Variants in LIFR observed in about 807,000 individuals in gnomAD.
LIFR encodes LIF receptor subunit alpha, also known as leukemia inhibitory factor receptor.
A neutral mutation model predicts 122.2 loss-of-function variants in LIFR; 84 were observed. The ratio of observed to expected loss-of-function variants is 0.69; its 90% CI spans 0.58 to 0.82. LIFR has a LOEUF of 0.82. Among genes scored for constraint, LIFR ranks in the 40% least tolerant of loss-of-function variants. The pLI is 0.00. For missense variants in LIFR, 1,294 were observed against 1,311.6 expected, an observed-to-expected ratio of 0.99 and a Z score of 0.21; for synonymous variants, 422 against 434.7, an observed-to-expected ratio of 0.97 and a Z score of 0.36.
chr5:38,593,940 C>T (rs1042903268), intron 1 of LIFR, among the ~76,000 whole-genome samples: 1 of 151,994 alleles, frequency 6.6e-6, no homozygotes, highest in African/African-American at 2.4e-5. Flanking sequence ...GTTTAAGCTA[C>T]CCAGACTATC....
intron 1 of LIFR, among the ~76,000 whole-genome samples, chr5:38,581,949 C>G (rs912085813): frequency 6.6e-6 from 1 of 152,178 alleles, no homozygotes; most frequent in Non-Finnish European, 1.5e-5. Flanking sequence ...CTTTGTGAAG[C>G]GTTTCTTTTG....
At chr5:38,591,829 C>T (rs1231815256) in intron 1 of LIFR, among the ~76,000 whole-genome samples, 1 of 152,152 alleles carries the variant, frequency 6.6e-6, no homozygotes, top group Non-Finnish European at 1.5e-5. Flanking sequence ...TTCAACTTTC[C>T]TAGTTATTCC....
At chr5:38,506,450 T>C (rs1312289101) in intron 8 of LIFR, 53 bp downstream of exon 8, 8 of 1,602,342 alleles carry the variant, frequency 5.0e-6, no homozygotes, top group African/African-American at 2.7e-5. Flanking sequence ...TCATTTAACA[T>C]GCACTTCCAA....
intron 1 of LIFR, among the ~76,000 whole-genome samples, chr5:38,545,679 A>T (rs1057229711): frequency 6.6e-6 from 1 of 151,888 alleles, no homozygotes; most frequent in Non-Finnish European, 1.5e-5. Flanking sequence ...TGGCTAACAC[A>T]GTGAAACCCT....
chr5:38,542,844 G>T (rs1000149995), intron 1 of LIFR, among the ~76,000 whole-genome samples: 1 of 152,058 alleles, frequency 6.6e-6, no homozygotes, highest in Non-Finnish European at 1.5e-5. Context: ...AGTGCACACT[G>T]TTCCAAATCC....
At chr5:38,523,372 T>G (rs757933723) in intron 5 of LIFR, 47 bp downstream of exon 5, 1 of 1,511,846 alleles carries the variant, frequency 6.6e-7, no homozygotes, top group Non-Finnish European at 9.0e-7. Context: ...AAAAAAATTA[T>G]TCAGTTTCTT....
intron 1 of LIFR, among the ~76,000 whole-genome samples, chr5:38,584,975 A>G (rs58178724): frequency 0.32 from 49,292 of 152,076 alleles, 8,285 homozygotes; most frequent in South Asian, 0.4. Context: ...ATCATGTTGT[A>G]AGCCTCAAAT....
chr5:38,542,879 G>A (rs1395217162), intron 1 of LIFR, among the ~76,000 whole-genome samples: 1 of 151,924 alleles, frequency 6.6e-6, no homozygotes, highest in African/African-American at 2.4e-5. Flanking sequence ...TTCTCAGGTC[G>A]TAATGCATAT....
chr5:38,543,668 G>C (rs1215713805), intron 1 of LIFR, among the ~76,000 whole-genome samples: 3 of 152,210 alleles, frequency 2.0e-5, no homozygotes, highest in African/African-American at 7.2e-5. Context: ...GAAATAACCT[G>C]AATGTTCATC....
chr5:38,523,389 C>G lies in LIFR; in HGVS notation c.561+30G>C, dbSNP rs191296834. 335 of 1,580,524 alleles carry G rather than the reference C, an allele frequency of 2.1e-4. 6 individuals carry two copies. The East Asian group carries it at 5.5e-3, about 26-fold the overall frequency. On this transcript the variant is annotated intron_variant, in intron 5 of 19. Transcript: ENST00000453190. Reference sequence around the variant, plus strand: ...AAAAATTATTCAGTTTCTTTAATGTCATAGGAAGAAAATCTATGTTCAAAC... The same window carrying G: ...AAAAATTATTCAGTTTCTTTAATGTGATAGGAAGAAAATCTATGTTCAAAC...
Position 38,534,055 on chromosome 5 carries a change from T to C in LIFR, c.-19-3389A>G, listed in dbSNP as rs898475205. Among the ~76,000 whole-genome samples the C allele has an allele frequency of 3.3e-5, 5 of 152,196 alleles. No individual in the cohort carries two copies. The East Asian group carries it at 5.8e-4, about 18-fold the overall frequency. On this transcript the variant is annotated intron_variant, in intron 1 of 19. Transcript: ENST00000453190. The stretch of plus-strand genomic sequence containing the variant: ...GGTCACCCATCCACAGGAGTGGAGA[T>C]GCTGGGAGTTGAGCAAAACAAGTGC...
chr5:38,527,230 A>C lies in LIFR; in HGVS notation c.322T>G (p.Tyr108Asp). The C allele has an allele frequency of 1.3e-6, 2 of 1,594,932 alleles. No homozygotes were observed. The highest frequency in any genetic ancestry group is 1.7e-6 in the Non-Finnish European group (2 of 1,163,128). Residue 108 changes from tyrosine to aspartate, a missense_variant, in exon 4 of 20, where the codon TAT becomes GAT. Tyr to Asp is a radical substitution (Grantham distance 160, BLOSUM62 -3). Coordinates refer to ENST00000453190, the MANE Select transcript of LIFR (RefSeq NM_001127671.2). ...TGTAGAGAATTTATTGTTATTTCAT[A>C]ATCACCATGTGAAAGAGCTGGAATT... ...IKIPALSHGDYEITINSLHDF... is the reference protein window; with the variant it reads ...IKIPALSHGDDEITINSLHDF...
In LIFR at chr5:38,515,351, A is replaced by C. The variant is rs575140400; in HGVS notation, c.562-3387T>G. 2.6e-5 allele frequency among the ~76,000 whole-genome samples: 4 copies of C among 152,234 alleles called. No individual in the cohort carries two copies. In the South Asian group the frequency reaches 8.3e-4, roughly 32 times the overall value. Reference sequence around the variant, plus strand: ...AGAAAGCCCTCAGAGATTTATTCGCAAAGATAAAATTGATAAAGTACTTAG... The same window carrying C: ...AGAAAGCCCTCAGAGATTTATTCGCCAAGATAAAATTGATAAAGTACTTAG... On this transcript the variant is annotated intron_variant, in intron 5 of 19. Coordinates refer to ENST00000453190, the MANE Select transcript of LIFR (RefSeq NM_001127671.2).
intron 18 of LIFR, among the ~76,000 whole-genome samples, chr5:38,483,384 T>C (rs1744101895): frequency 6.6e-6 from 1 of 152,176 alleles, no homozygotes; most frequent in African/African-American, 2.4e-5. Flanking sequence ...ATTTTGTCTT[T>C]TTTTTCTTTT....
chr5:38,477,827 A>T lies in LIFR; in HGVS notation c.*3768T>A, dbSNP rs539793622. On this transcript the variant is annotated 3_prime_UTR_variant, in exon 20 of 20. Transcript: ENST00000453190. ...ATGTGCCTAGTCTTTGTAGCTAATA[A>T]TCCCACATTTTACTCTGAGATGCCC... 4.6e-6 allele frequency: 1 copy of T among 217,626 alleles called. No homozygotes were observed. The highest frequency in any genetic ancestry group is 2.2e-5 in the African/African-American group (1 of 44,580). The allele number at this position is 217,626 out of a possible 1,614,324, so 13.5% of individuals were successfully genotyped here. A position where few individuals can be genotyped will look rare whatever the true frequency, so the allele number is the denominator to read the frequency against.
chr5:38,523,166 C>T (rs530096268), intron 5 of LIFR, among the ~76,000 whole-genome samples: 1 of 152,228 alleles, frequency 6.6e-6, no homozygotes, highest in South Asian at 2.1e-4. Context: ...AAAAACAGTA[C>T]TTACTATTTT....
chr5:38,508,236 T>C (rs1690965528), intron 7 of LIFR, among the ~76,000 whole-genome samples: 1 of 152,138 alleles, frequency 6.6e-6, no homozygotes, highest in South Asian at 2.1e-4. Context: ...AAAAGCTAGG[T>C]ATACATCAAC....
rs573704800 is a variant in LIFR at position 38,507,027 on chromosome 5, G to A, written c.992-395C>T. Among the ~76,000 whole-genome samples the A allele has an allele frequency of 8.4e-4, 128 of 152,120 alleles. 1 individual carries two copies. The highest frequency in any genetic ancestry group is 3.4e-3 in the Middle Eastern group (1 of 294). ...ATCTATCATCAATATACTGTGATTC[G>A]AAAAGAAATACCAAATCATATTGAA... On this transcript the variant is annotated intron_variant, in intron 7 of 19. Coordinates refer to ENST00000453190, the MANE Select transcript of LIFR (RefSeq NM_001127671.2).
At chr5:38,599,234 C>T (rs896928329), upstream of LIFR, among the ~76,000 whole-genome samples, 4 of 152,242 alleles carry the variant, frequency 2.6e-5, no homozygotes, top group South Asian at 8.3e-4. Context: ...TAGGATAAAC[C>T]AAAGGCAGCA....
Sources: gnomAD v4.1 joint callset for allele counts (sites outside exome capture counted in the v4.1 genomes callset) on GRCh38, gnomAD v4.1.1 for gene constraint, MANE v1.5 for transcripts, NCBI Gene and HGNC (gene_info 2026-07-23, HGNC 2026-07-21) for gene names.